HDAC9: variants seen among roughly 807,000 people sequenced by gnomAD.
HDAC9 encodes the protein histone deacetylase 9, also known as MEF-2 interacting transcription repressor (MITR) protein.
Under a neutral mutation model 139.4 loss-of-function variants are expected in HDAC9, and 41 were observed. The ratio of observed to expected loss-of-function variants is 0.29; its 90% CI spans 0.23 to 0.38. The LOEUF (loss-of-function observed/expected upper bound fraction) is 0.38, where lower values mean the gene tolerates loss of function less well. Among genes scored for constraint, HDAC9 ranks in the 10% least tolerant of loss-of-function variants. The pLI is 1.00. For missense variants in HDAC9, 1,147 were observed against 1,297.0 expected, an observed-to-expected ratio of 0.88 and a Z score of 1.78; for synonymous variants, 517 against 476.2, an observed-to-expected ratio of 1.09 and a Z score of -1.12.
At chr7:18,639,184 A>G (rs920351206) in intron 8 of HDAC9, among the ~76,000 whole-genome samples, 4 of 152,096 alleles carry the variant, frequency 2.6e-5, no homozygotes, top group African/African-American at 9.7e-5. Context: ...GTTTTGCCCC[A>G]ATCTCACATG....
intron 2 of HDAC9, among the ~76,000 whole-genome samples, chr7:18,163,550 G>T (rs1787804967): frequency 6.6e-6 from 1 of 152,124 alleles, no homozygotes; most frequent in African/African-American, 2.4e-5. Flanking sequence ...CAATGCTGTT[G>T]CTGCTTGGGG....
intron 6 of HDAC9, among the ~76,000 whole-genome samples, chr7:18,627,844 CAG>C (rs1842112109): frequency 6.6e-6 from 1 of 152,100 alleles, no homozygotes; most frequent in Admixed American, 6.6e-5. Flanking sequence ...AGCATAAAAT[CAG>C]GTTTACAATA....
intron 21 of HDAC9, among the ~76,000 whole-genome samples, chr7:18,870,498 G>T (rs1472126475): frequency 6.6e-6 from 1 of 152,122 alleles, no homozygotes; most frequent in Non-Finnish European, 1.5e-5. Flanking sequence ...TATTGATGCT[G>T]ATATGTCCAA....
At chr7:18,792,613 C>G (rs773812558) in intron 16 of HDAC9, among the ~76,000 whole-genome samples, 17 of 152,118 alleles carry the variant, frequency 1.1e-4, no homozygotes, top group Non-Finnish European at 2.2e-4. Flanking sequence ...ATAATGTTCT[C>G]TAGTAGATAA....
At chr7:18,870,180 T>C (rs1267544129) in intron 21 of HDAC9, among the ~76,000 whole-genome samples, 1 of 152,148 alleles carries the variant, frequency 6.6e-6, no homozygotes, top group East Asian at 1.9e-4. Context: ...TGCTCTTATC[T>C]AAACTACAGA....
At chr7:18,309,828 GA>G (rs1173706072) in intron 1 of HDAC9, among the ~76,000 whole-genome samples, 1 of 151,910 alleles carries the variant, frequency 6.6e-6, no homozygotes, top group African/African-American at 2.4e-5. Flanking sequence ...TCAATATCTA[GA>G]GTTTTAAAAA....
intron 12 of HDAC9, among the ~76,000 whole-genome samples, chr7:18,699,408 G>T (rs571660540): frequency 7.2e-5 from 11 of 152,050 alleles, no homozygotes; most frequent in African/African-American, 2.4e-4. Context: ...GTGTGTACGT[G>T]TGTGTCGAAA....
At chr7:18,508,833 G>A (rs1028343917) in intron 2 of HDAC9, among the ~76,000 whole-genome samples, 11 of 152,310 alleles carry the variant, frequency 7.2e-5, no homozygotes, top group African/African-American at 2.6e-4. Context: ...GGCATTTACT[G>A]TGTACCTACA....
chr7:18,960,242 G>C (rs1783440264), intron 24 of HDAC9, among the ~76,000 whole-genome samples: 1 of 152,128 alleles, frequency 6.6e-6, no homozygotes, highest in Non-Finnish European at 1.5e-5. Flanking sequence ...ACATTCTAGA[G>C]TAATAAGAAT....
chr7:18,233,655 G>T (rs1429848851), intron 2 of HDAC9, among the ~76,000 whole-genome samples: 1 of 152,090 alleles, frequency 6.6e-6, no homozygotes, highest in Non-Finnish European at 1.5e-5. Flanking sequence ...TTGGCAAAAG[G>T]CTCAGCAATA....
At chr7:18,775,056 A>G (rs187179350) in intron 16 of HDAC9, among the ~76,000 whole-genome samples, 72 of 152,164 alleles carry the variant, frequency 4.7e-4, no homozygotes, top group Admixed American at 2.9e-3. Flanking sequence ...GGGAGGCCTG[A>G]GAAAGAGAAG....
At chr7:18,546,540 C>G (rs1281144370) in intron 2 of HDAC9, among the ~76,000 whole-genome samples, 1 of 152,172 alleles carries the variant, frequency 6.6e-6, no homozygotes, top group Non-Finnish European at 1.5e-5. Flanking sequence ...CTGACACCTT[C>G]TTTCTCCTTC....
rs1158536261 is a variant in HDAC9 at position 18,495,807 on chromosome 7, G to C, written c.-258G>C. 9.9e-7 allele frequency: 1 copy of C among 1,011,032 alleles called. No homozygotes were observed. The highest frequency in any genetic ancestry group is 1.7e-5 in the African/African-American group (1 of 58,296). The allele number at this position is 1,011,032 out of a possible 1,614,324, so 62.6% of individuals were successfully genotyped here. A position where few individuals can be genotyped will look rare whatever the true frequency, so the allele number is the denominator to read the frequency against. On this transcript the variant is annotated 5_prime_UTR_variant, in exon 1 of 26. Transcript: ENST00000686413. The stretch of plus-strand genomic sequence containing the variant: ...ACCGGCTGGAGCCACTTGCAGGACT[G>C]AGGGTTTTTGCAACAAAACCCTAGC...
intron 7 of HDAC9, 150 bp downstream of exon 7, chr7:18,629,631 A>C (rs969685379): frequency 2.7e-6 from 2 of 752,844 alleles, no homozygotes; most frequent in Non-Finnish European, 4.0e-6. Flanking sequence ...CAAGTAGTTC[A>C]ATAAACCTTG....
chr7:18,884,229 T>C (rs1799951298), intron 22 of HDAC9, among the ~76,000 whole-genome samples: 2 of 152,130 alleles, frequency 1.3e-5, no homozygotes, highest in African/African-American at 2.4e-5. Context: ...CAAAAGACCC[T>C]GAATAGCCTA....
At chr7:18,856,343 C>G (rs539099415) in intron 21 of HDAC9, among the ~76,000 whole-genome samples, 4 of 152,078 alleles carry the variant, frequency 2.6e-5, no homozygotes, top group Non-Finnish European at 4.4e-5. Context: ...CAAATCAAAC[C>G]CCTAAAGTAA....
intron 2 of HDAC9, among the ~76,000 whole-genome samples, chr7:18,522,356 G>T (rs938686061): frequency 2.0e-5 from 3 of 152,098 alleles, no homozygotes; most frequent in African/African-American, 7.2e-5. Context: ...GGGATGGAGA[G>T]GACTAAAGCT....
At chr7:18,805,513 T>TC (rs984255282) in intron 17 of HDAC9, among the ~76,000 whole-genome samples, 1 of 152,092 alleles carries the variant, frequency 6.6e-6, no homozygotes, top group Non-Finnish European at 1.5e-5. Context: ...CAAGGATTTT[T>TC]CCCCCTGCGG....
intron 6 of HDAC9, among the ~76,000 whole-genome samples, chr7:18,622,877 C>T (rs1267721000): frequency 6.6e-6 from 1 of 151,758 alleles, no homozygotes; most frequent in Non-Finnish European, 1.5e-5. Context: ...GGTACAGTGG[C>T]TCACATCTGT....
Sources: allele counts gnomAD v4.1 joint callset (sites outside exome capture counted in the v4.1 genomes callset), GRCh38; gene constraint gnomAD v4.1.1; transcripts MANE v1.5; gene names NCBI Gene and HGNC (gene_info 2026-07-23, HGNC 2026-07-21).